The following SLC25A21 variants were observed in gnomAD, a reference collection of about 807,000 sequenced individuals.
SLC25A21 encodes the protein solute carrier family 25 member 21.
A neutral mutation model predicts 43.8 loss-of-function variants in SLC25A21; 47 were observed. The observed-to-expected ratio is 1.07, with a 90% CI of 0.85 to 1.37. The LOEUF (loss-of-function observed/expected upper bound fraction) is 1.37. Ranked by LOEUF, SLC25A21 falls within the 40% of genes most tolerant of loss-of-function variation. SLC25A21 has a pLI of 0.00. For synonymous variants in SLC25A21, 131 were observed against 121.3 expected (o/e 1.08, Z -0.52); for missense variants, 352 against 350.2 (o/e 1.00, Z -0.04).
At chr14:36,832,904 T>C (rs1424265532) in intron 2 of SLC25A21, among the ~76,000 whole-genome samples, 1 of 152,220 alleles carries the variant, frequency 6.6e-6, no homozygotes, top group Non-Finnish European at 1.5e-5. Flanking sequence ...TTGTATCAGA[T>C]TCTATTTGTA....
At chr14:36,913,118 G>T (rs1055176904) in intron 1 of SLC25A21, among the ~76,000 whole-genome samples, 2 of 152,032 alleles carry the variant, frequency 1.3e-5, no homozygotes, top group Non-Finnish European at 2.9e-5. Flanking sequence ...CATTTCAAAG[G>T]TGTTTAACTT....
At chr14:37,123,514 C>T (rs1289683158) in intron 1 of SLC25A21, among the ~76,000 whole-genome samples, 1 of 152,122 alleles carries the variant, frequency 6.6e-6, no homozygotes, top group African/African-American at 2.4e-5. Flanking sequence ...TATAATGATA[C>T]ATTGTTGTAA....
At chr14:37,070,757 C>T (rs1474253407) in intron 1 of SLC25A21, among the ~76,000 whole-genome samples, 2 of 152,078 alleles carry the variant, frequency 1.3e-5, no homozygotes, top group African/African-American at 2.4e-5. Context: ...TCTAAGCAAG[C>T]CTGGAAGTGA....
chr14:36,761,822 C>G (rs1302632308), intron 3 of SLC25A21, among the ~76,000 whole-genome samples: 1 of 152,176 alleles, frequency 6.6e-6, no homozygotes, highest in Non-Finnish European at 1.5e-5. Flanking sequence ...ATTTTGAGGA[C>G]ATAGTTACCT....
At chr14:36,769,126 T>C (rs1369350630) in intron 3 of SLC25A21, among the ~76,000 whole-genome samples, 4 of 152,124 alleles carry the variant, frequency 2.6e-5, no homozygotes, top group Non-Finnish European at 4.4e-5. Flanking sequence ...ATAAGGGACA[T>C]AGGTGATGTG....
Position 36,683,850 on chromosome 14 carries a change from G to T in SLC25A21, c.816C>A (p.Pro272=). 6.2e-7 allele frequency: 1 copy of T among 1,606,086 alleles called. No individual in the cohort carries two copies. Reference sequence around the variant, plus strand: ...TACCTGGTCCAAGTCTCATAATCTTGGGAAGCAGGCCTTTGTACAAAGCTA... The same window carrying T: ...TACCTGGTCCAAGTCTCATAATCTTTGGAAGCAGGCCTTTGTACAAAGCTA... The part of the protein sequence containing the change: ...GILALYKGLL[P]KIMRLGPGGA... Residue 272 remains proline, a synonymous_variant, in exon 9 of 10, where the codon CCC becomes CCA. Coordinates refer to ENST00000331299, the MANE Select transcript of SLC25A21 (RefSeq NM_030631.4).
At chr14:37,128,041 C>G (rs1336403611) in intron 1 of SLC25A21, among the ~76,000 whole-genome samples, 1 of 152,160 alleles carries the variant, frequency 6.6e-6, no homozygotes, top group African/African-American at 2.4e-5. Context: ...TGTGTTTAGA[C>G]AACTGGAAGG....
chr14:36,948,231 C>T (rs1421927417), intron 1 of SLC25A21, among the ~76,000 whole-genome samples: 1 of 152,094 alleles, frequency 6.6e-6, no homozygotes, highest in African/African-American at 2.4e-5. Context: ...AAGTCAGTGG[C>T]TTCGATTTTT....
At chr14:36,993,122 T>C (rs1448676290) in intron 1 of SLC25A21, among the ~76,000 whole-genome samples, 2 of 152,328 alleles carry the variant, frequency 1.3e-5, no homozygotes, top group Non-Finnish European at 2.9e-5. Flanking sequence ...ATCATAAACA[T>C]TTACTTCCAG....
intron 1 of SLC25A21, among the ~76,000 whole-genome samples, chr14:36,951,013 G>A (rs1178737752): frequency 1.3e-5 from 2 of 152,044 alleles, no homozygotes; most frequent in Middle Eastern, 3.2e-3. Context: ...ATGGCTGCAG[G>A]AACCACAGTG....
chr14:36,969,284 G>A (rs905883079), intron 1 of SLC25A21, among the ~76,000 whole-genome samples: 23 of 152,212 alleles, frequency 1.5e-4, no homozygotes, highest in African/African-American at 4.8e-4. Context: ...TTCCAAGAGC[G>A]GGAACAGATG....
At chr14:36,920,329 A>G (rs1366745427) in intron 1 of SLC25A21, among the ~76,000 whole-genome samples, 4 of 152,090 alleles carry the variant, frequency 2.6e-5, no homozygotes, top group Admixed American at 2.6e-4. Context: ...ACAGGAGACA[A>G]GAATGTGGTT....
At chr14:36,977,376 A>G (rs1566786124) in intron 1 of SLC25A21, among the ~76,000 whole-genome samples, 1 of 152,188 alleles carries the variant, frequency 6.6e-6, no homozygotes, top group Non-Finnish European at 1.5e-5. Context: ...TACATAGTAA[A>G]TGCTTGTGCT....
chr14:37,145,929 A>G (rs1490933533), intron 1 of SLC25A21, among the ~76,000 whole-genome samples: 1 of 152,118 alleles, frequency 6.6e-6, no homozygotes, highest in Non-Finnish European at 1.5e-5. Context: ...TTTTGCAGCT[A>G]TCAGGAATAA....
chr14:36,712,356 T>G (rs1454980745), intron 6 of SLC25A21, among the ~76,000 whole-genome samples: 1 of 152,162 alleles, frequency 6.6e-6, no homozygotes, highest in Non-Finnish European at 1.5e-5. Context: ...GTGCTTTTTT[T>G]TTTTTTCCAC....
chr14:37,014,707 C>A (rs925429044), intron 1 of SLC25A21, among the ~76,000 whole-genome samples: 2 of 152,116 alleles, frequency 1.3e-5, no homozygotes, highest in Non-Finnish European at 2.9e-5. Context: ...TCAGAAGAAT[C>A]ACTATCTATG....
chr14:36,696,961 G>C (rs529672055), intron 7 of SLC25A21, among the ~76,000 whole-genome samples: 1 of 152,236 alleles, frequency 6.6e-6, no homozygotes, highest in East Asian at 1.9e-4. Flanking sequence ...GCTTTCGAAT[G>C]TGTTTGCTCT....
intron 1 of SLC25A21, among the ~76,000 whole-genome samples, chr14:36,966,494 A>G (rs1366455185): frequency 6.6e-6 from 1 of 152,164 alleles, no homozygotes; most frequent in African/African-American, 2.4e-5. Flanking sequence ...ATCCTGATCT[A>G]AAGTCCCATT....
At chr14:37,082,946 AC>A (rs1962416690) in intron 1 of SLC25A21, among the ~76,000 whole-genome samples, 1 of 152,224 alleles carries the variant, frequency 6.6e-6, no homozygotes, top group Admixed American at 6.5e-5. Context: ...TTCTACAACT[AC>A]CACATCTCTA....
Sources: gnomAD v4.1 joint callset for allele counts (sites outside exome capture counted in the v4.1 genomes callset) on GRCh38, gnomAD v4.1.1 for gene constraint, MANE v1.5 for transcripts, NCBI Gene and HGNC (gene_info 2026-07-23, HGNC 2026-07-21) for gene names.